Variants in MTREX observed in about 807,000 individuals in gnomAD.
MTREX encodes the protein exosome RNA helicase MTR4.
In MTREX, 76 loss-of-function variants were observed where a neutral mutation model predicts 135.4. The observed-to-expected ratio is 0.56, with a 90% confidence interval of 0.47 to 0.68. MTREX has a LOEUF of 0.68. Ranked by LOEUF, MTREX falls within the 30% of genes least tolerant of loss-of-function variation. The pLI, the probability that MTREX is intolerant of heterozygous loss-of-function variation, is 0.00. For synonymous variants in MTREX, 404 were observed against 401.6 expected (o/e 1.01, Z -0.07); for missense variants, 920 against 1,262.1 (o/e 0.73, Z 4.11).
intron 16 of MTREX, among the ~76,000 whole-genome samples, chr5:55,376,710 T>C (rs915300570): frequency 1.3e-5 from 2 of 152,200 alleles, no homozygotes; most frequent in Non-Finnish European, 2.9e-5. Flanking sequence ...TAGACCAACA[T>C]TGTGGCCAAT....
chr5:55,336,498 T>G (rs1749555132), intron 5 of MTREX, among the ~76,000 whole-genome samples: 1 of 152,232 alleles, frequency 6.6e-6, no homozygotes, highest in East Asian at 1.9e-4. Flanking sequence ...ATCGTAGTAT[T>G]AGCTTTTTAT....
At chr5:55,384,733 T>A (rs1052475578) in intron 18 of MTREX, among the ~76,000 whole-genome samples, 2 of 152,182 alleles carry the variant, frequency 1.3e-5, no homozygotes, top group Non-Finnish European at 2.9e-5. Flanking sequence ...TCTTACCCCC[T>A]ATAGTATGTA....
chr5:55,399,688 C>T (rs1249465991), intron 20 of MTREX, among the ~76,000 whole-genome samples: 4 of 152,002 alleles, frequency 2.6e-5, no homozygotes, highest in South Asian at 2.1e-4. Flanking sequence ...GGGGTTTCAC[C>T]GTGTTAGCCA....
chr5:55,412,174 T>C (rs924147926), intron 23 of MTREX, among the ~76,000 whole-genome samples: 1 of 152,258 alleles, frequency 6.6e-6, no homozygotes, highest in African/African-American at 2.4e-5. Context: ...ATTGTACTGA[T>C]TGTCATGTGG....
At chr5:55,338,380 A>G (rs1190356163) in intron 5 of MTREX, among the ~76,000 whole-genome samples, 18 of 151,908 alleles carry the variant, frequency 1.2e-4, no homozygotes, top group Admixed American at 1.2e-3. Flanking sequence ...AGCCTTAATT[A>G]TGTTGTTCTC....
chr5:55,336,810 C>T (rs1384937358), intron 5 of MTREX, among the ~76,000 whole-genome samples: 3 of 152,220 alleles, frequency 2.0e-5, no homozygotes, highest in African/African-American at 4.8e-5. Context: ...TCAGAACCTG[C>T]GTGTGTAGAG....
chr5:55,347,260 A>G, intron 11 of MTREX, 116 bp downstream of exon 11: 1 of 1,003,410 alleles, frequency 1.0e-6, no homozygotes, highest in East Asian at 2.8e-5. Context: ...CCTTACAGTT[A>G]CAGCAGTACT....
chr5:55,377,298 G>A (rs1750321107), intron 16 of MTREX, among the ~76,000 whole-genome samples: 2 of 152,146 alleles, frequency 1.3e-5, no homozygotes, highest in Admixed American at 6.5e-5. Flanking sequence ...CTGCACTCTA[G>A]CCTGGGCGAC....
At position 55,353,288 on chromosome 5, in the gene MTREX, A is replaced by G. The variant is rs201252217; in HGVS notation, c.1533+19A>G. 3.4e-5 allele frequency: 52 copies of G among 1,507,924 alleles called. 1 individual carries two copies. In the Middle Eastern group the frequency reaches 8.6e-4, roughly 25 times the overall value. The allele number at this position is 1,507,924 out of a possible 1,614,324, so 93.4% of individuals were successfully genotyped here. A position where few individuals can be genotyped will look rare whatever the true frequency, so the allele number is the denominator to read the frequency against. On this transcript the variant is annotated intron_variant, in intron 14 of 26. Transcript: ENST00000230640. ...CCGATGGGTAAGTAAAGCAATTCAT[A>G]TATCAAAATAATTTTTGTCTTTGTT...
intron 1 of MTREX, among the ~76,000 whole-genome samples, chr5:55,315,932 A>G (rs1489713481): frequency 6.6e-6 from 1 of 152,056 alleles, no homozygotes; most frequent in African/African-American, 2.4e-5. Context: ...AAATAAACAC[A>G]GTTAGAAGTT....
In MTREX at chr5:55,406,831, G is replaced by A. The variant is rs117559053; in HGVS notation, c.2645+1243G>A. On this transcript the variant is annotated intron_variant, in intron 22 of 26. Transcript: ENST00000230640. ...TAGATCAGTGCAATTCTAGAAGAAT[G>A]TGGTATAGGAGATGCTGTTGTGGCC... Among the ~76,000 whole-genome samples, 63 of 152,340 alleles carry A rather than the reference G, an allele frequency of 4.1e-4. 2 individuals are homozygous for A. The East Asian group carries it at 0.011, about 27-fold the overall frequency.
At chr5:55,408,917 T>TTTTATTTATTTA (rs140029940) in intron 22 of MTREX, among the ~76,000 whole-genome samples, 13 of 144,330 alleles carry the variant, frequency 9.0e-5, no homozygotes, top group African/African-American at 1.8e-4. Context: ...TGAACAATAT[T>TTTTATTTATTTA]TTTATTTATT....
At chr5:55,366,010 CT>C (rs1255748602) in intron 15 of MTREX, among the ~76,000 whole-genome samples, 1 of 150,854 alleles carries the variant, frequency 6.6e-6, no homozygotes, top group Admixed American at 6.6e-5. Flanking sequence ...AAAAAAACTT[CT>C]GAAGAGACAC....
At chr5:55,401,887 C>T (rs1156575437) in intron 21 of MTREX, among the ~76,000 whole-genome samples, 3 of 152,146 alleles carry the variant, frequency 2.0e-5, no homozygotes, top group African/African-American at 7.2e-5. Flanking sequence ...AAACTTACAA[C>T]TCCTTGCTGT....
chr5:55,340,063 C>A lies in MTREX; in HGVS notation c.569C>A (p.Pro190Gln). The A allele has an allele frequency of 1.3e-6, 2 of 1,596,476 alleles. No individual in the cohort carries two copies. Among genetic ancestry groups the A allele is most frequent in the South Asian group, 1.1e-5 (1 of 88,096 alleles). ...REKQRVIFTS[P>Q]IKALSNQKYR... ...AAGCAGCGTGTAATATTTACCAGCC[C>A]AATTAAGGCTCTGAGTAACCAAAAA... Residue 190 changes from proline (P) to glutamine (Q), a missense_variant, in exon 6 of 27, where the codon CCA becomes CAA. Physicochemically the swap from Pro to Gln is moderately conservative, Grantham distance 76. Transcript: ENST00000230640.
At chr5:55,397,630 A>C in intron 20 of MTREX, 104 bp downstream of exon 20, 1 of 568,672 alleles carries the variant, frequency 1.8e-6, no homozygotes, top group South Asian at 3.4e-5. Flanking sequence ...TTCTTTCAGA[A>C]TACCTATAAA....
intron 18 of MTREX, among the ~76,000 whole-genome samples, chr5:55,385,307 CT>C (rs1424272918): frequency 6.6e-6 from 1 of 152,124 alleles, no homozygotes; most frequent in African/African-American, 2.4e-5. Context: ...TGTTGGGGCC[CT>C]TTTTCTCAGG....
At chr5:55,347,836 C>T (rs774871744) in intron 11 of MTREX, among the ~76,000 whole-genome samples, 21 of 152,170 alleles carry the variant, frequency 1.4e-4, no homozygotes, top group Non-Finnish European at 2.5e-4. Context: ...GCCTCACAAT[C>T]ATGGTGGAAG....
At chr5:55,324,105 G>A (rs965331983) in intron 2 of MTREX, 27 bp from the exon 3 acceptor site, 19 of 1,556,154 alleles carry the variant, frequency 1.2e-5, no homozygotes, top group Non-Finnish European at 1.7e-5. Flanking sequence ...ATTTGTTTTT[G>A]TGTAACTTTA....
Sources: gnomAD v4.1 joint callset for allele counts (sites outside exome capture counted in the v4.1 genomes callset) on GRCh38, gnomAD v4.1.1 for gene constraint, MANE v1.5 for transcripts, NCBI Gene and HGNC (gene_info 2026-07-23, HGNC 2026-07-21) for gene names.